F2RL2: variants seen among roughly 807,000 people sequenced by gnomAD.
F2RL2 encodes proteinase-activated receptor 3.
Under a neutral mutation model 4.3 loss-of-function variants are expected in F2RL2, and 4 were observed. The ratio of observed to expected loss-of-function variants is 0.93; its 90% CI spans 0.46 to 2.12. F2RL2 has a LOEUF of 2.12. F2RL2 is among the 30% of genes most tolerant of loss of function. The pLI is 0.02. For missense variants in F2RL2, 408 were observed against 449.3 expected (o/e 0.91, Z 0.83); for synonymous variants, 166 against 170.9 (o/e 0.97, Z 0.22).
chr5:76,619,514 C>CCTTTTTTTTTTTTTTTTTTTT lies in F2RL2; in HGVS notation c.65-873_65-872insAAAAAAAAAAAAAAAAAAAAG, dbSNP rs1561518620. ...CAGATCTAACTTAGTTAAGGATCTT[C>CCTTTTTTTTTTTTTTTTTTTT]TTTTTTTTTTTTTTTTTTTTTTGAG... On this transcript the variant is annotated intron_variant, in intron 1 of 1. Transcript: ENST00000296641. Among the ~76,000 whole-genome samples, 2 of 104,266 alleles carry CCTTTTTTTTTTTTTTTTTTTT rather than the reference C, an allele frequency of 1.9e-5. 1 individual carries two copies. 68.4% of individuals were successfully genotyped at this position (104,266 alleles called of 152,430 possible).
Position 76,618,596 on chromosome 5 carries a change from A to G in F2RL2, c.111T>C (p.Ile37=), listed in dbSNP as rs1181839363. The G allele has an allele frequency of 1.2e-6, 2 of 1,613,990 alleles. No individual in the cohort carries two copies. The highest frequency in any genetic ancestry group is 1.7e-6 in the Non-Finnish European group (2 of 1,180,000). ...TTGGGGGAGCTCCACGAAAGGTCTT[A>G]ATGGGTAAGGTTGGCTTTGCCAAGT... The part of the protein sequence containing the change: ...TNNLAKPTLP[I]KTFRGAPPNS... The change falls in exon 2 of 2, where the codon ATT becomes ATC. Residue 37 remains isoleucine, a synonymous_variant. Coordinates refer to ENST00000296641, the MANE Select transcript of F2RL2 (RefSeq NM_004101.4).
chr5:76,618,361 G>C lies in F2RL2; in HGVS notation c.346C>G (p.Leu116Val). Residue 116 changes from leucine (L) to valine (V), a missense_variant, in exon 2 of 2, where the codon CTG becomes GTG. By Grantham distance (32) the Leu-to-Val change is conservative. Coordinates refer to ENST00000296641, the MANE Select transcript of F2RL2 (RefSeq NM_004101.4). Reference protein sequence around the residue: ...VVGVPANAVTLWMLFFRTRSI... With the variant: ...VVGVPANAVTVWMLFFRTRSI... ...CTGGTCCTGAAGAAAAGCATCCACA[G>C]GGTCACAGCATTGGCCGGGACACCA... The C allele has an allele frequency of 1.2e-6, 2 of 1,614,204 alleles. No individual in the cohort carries two copies. Among genetic ancestry groups the C allele is most frequent in the Non-Finnish European group, 1.7e-6 (2 of 1,180,030 alleles).
chr5:76,623,056 G>A (rs939471828), intron 1 of F2RL2, 111 bp downstream of exon 1: 1 of 925,930 alleles, frequency 1.1e-6, no homozygotes, highest in Non-Finnish European at 1.7e-6. Context: ...AGATCAAACT[G>A]CCTTTGGGGT....
At chr5:76,623,068 T>C in intron 1 of F2RL2, 99 bp downstream of exon 1, 9 of 1,075,526 alleles carry the variant, frequency 8.4e-6, no homozygotes, top group Admixed American at 1.9e-5. Flanking sequence ...CTTTGGGGTT[T>C]ACAGTTTGTG....
Position 76,617,158 on chromosome 5 carries a change from T to G in F2RL2, c.*424A>C, listed in dbSNP as rs188551970. ...CTGATAAAGTGTTTTTAAAAATTAC[T>G]AATGCTGGCTGGCTCAGTGGCTCAC... On this transcript the variant is annotated 3_prime_UTR_variant, in exon 2 of 2. Coordinates refer to ENST00000296641, the MANE Select transcript of F2RL2 (RefSeq NM_004101.4). The G allele has an allele frequency of 2.1e-3, 328 of 158,204 alleles. 1 individual carries two copies. The highest frequency in any genetic ancestry group is 7.5e-3 in the African/African-American group (314 of 41,636). 9.8% of individuals were successfully genotyped at this position (158,204 alleles called of 1,614,324 possible). A position where few individuals can be genotyped will look rare whatever the true frequency, so the allele number is the denominator to read the frequency against.
chr5:76,619,640 C>T (rs1415090988), intron 1 of F2RL2, among the ~76,000 whole-genome samples: 1 of 151,868 alleles, frequency 6.6e-6, no homozygotes, highest in Non-Finnish European at 1.5e-5. Flanking sequence ...CCTCAGCCTC[C>T]CCAGTAGCTG....
Position 76,623,353 on chromosome 5 carries a change from T to C in F2RL2, c.-123A>G, listed in dbSNP as rs1195443238. Reference sequence around the variant, plus strand: ...CCTTGGTCTGTCTGTAGAAGTTTGCTCTCCTGTGCCGTGCAGGCAGGAAAC... The same window carrying C: ...CCTTGGTCTGTCTGTAGAAGTTTGCCCTCCTGTGCCGTGCAGGCAGGAAAC... On this transcript the variant is annotated 5_prime_UTR_variant, in exon 1 of 2. Transcript: ENST00000296641. 1.2e-5 allele frequency: 14 copies of C among 1,178,660 alleles called. 1 individual carries two copies. The highest frequency in any genetic ancestry group is 1.7e-5 in the Non-Finnish European group (14 of 817,652). 73.0% of individuals were successfully genotyped at this position (1,178,660 alleles called of 1,614,324 possible).
intron 1 of F2RL2, 109 bp downstream of exon 1, chr5:76,623,058 C>A: frequency 1.0e-6 from 1 of 956,062 alleles, no homozygotes; most frequent in Non-Finnish European, 1.7e-6. Context: ...ATCAAACTGC[C>A]TTTGGGGTTT....
chr5:76,618,136 G>T lies in F2RL2; in HGVS notation c.571C>A (p.Arg191Ser). The T allele has an allele frequency of 6.2e-7, 1 of 1,614,156 alleles. No individual in the cohort carries two copies. The change falls in exon 2 of 2, where the codon CGC (arginine) becomes AGC (serine). Residue 191 changes from arginine to serine, a missense_variant. Transcript: ENST00000296641. ...ILLLACISIN[R>S]YLAIVHPFTY... ...AAAGGATGGACGATGGCCAGGTAGCGGTTGATGCTGATGCAGGCAAGGAGC... is the reference window on the plus strand; with the variant it reads ...AAAGGATGGACGATGGCCAGGTAGCTGTTGATGCTGATGCAGGCAAGGAGC...
At chr5:76,619,012 G>T (rs1749315761) in intron 1 of F2RL2, among the ~76,000 whole-genome samples, 1 of 152,188 alleles carries the variant, frequency 6.6e-6, no homozygotes, top group Non-Finnish European at 1.5e-5. Context: ...AGATGAACTT[G>T]AGCAAAGACT....
At position 76,617,332 on chromosome 5, in the gene F2RL2, A is replaced by G. The variant is rs530516675; in HGVS notation, c.*250T>C. 1 of 368,174 alleles carries G rather than the reference A, an allele frequency of 2.7e-6. No individual in the cohort carries two copies. The highest frequency in any genetic ancestry group is 4.8e-5 in the East Asian group (1 of 20,972). 22.8% of individuals were successfully genotyped at this position (368,174 alleles called of 1,614,324 possible). On this transcript the variant is annotated 3_prime_UTR_variant, in exon 2 of 2. Transcript: ENST00000296641. ...TGGGCATGGTGGTGTAATCCCAGCT[A>G]CTTGGGAGGCTGACCTGGGAGGCAG...
At position 76,618,372 on chromosome 5, in the gene F2RL2, T is replaced by C. The variant is rs1279187076; in HGVS notation, c.335A>G (p.Asn112Ser). 1.2e-6 allele frequency: 2 copies of C among 1,614,206 alleles called. No individual in the cohort carries two copies. Among genetic ancestry groups the C allele is most frequent in the Non-Finnish European group, 1.7e-6 (2 of 1,180,032 alleles). ...LLVFVVGVPA[N>S]AVTLWMLFFR... The stretch of plus-strand genomic sequence containing the variant: ...GAAAAGCATCCACAGGGTCACAGCA[T>C]TGGCCGGGACACCAACTACAAACAC... The change falls in exon 2 of 2, where the codon AAT becomes AGT. Residue 112 changes from asparagine to serine, a missense_variant. Physicochemically the swap from Asn to Ser is conservative, Grantham distance 46. Coordinates refer to ENST00000296641, the MANE Select transcript of F2RL2 (RefSeq NM_004101.4).
chr5:76,618,520 T>C lies in F2RL2; in HGVS notation c.187A>G (p.Thr63Ala). 1 of 1,614,184 alleles carries C rather than the reference T, an allele frequency of 6.2e-7. No individual in the cohort carries two copies. Among genetic ancestry groups the C allele is most frequent in the South Asian group, 1.1e-5 (1 of 91,086 alleles). The stretch of plus-strand genomic sequence containing the variant: ...GGGCACTTAATTTTTACAGTAATCG[T>C]GGCTCCTGTCCAGCCTTCCAAGGCA... The part of the protein sequence containing the change: ...FSALEGWTGA[T>A]ITVKIKCPEE... The change falls in exon 2 of 2, where the codon ACG becomes GCG. Residue 63 changes from threonine (T) to alanine (A), a missense_variant. Thr to Ala is a moderately conservative substitution (Grantham distance 58). Transcript: ENST00000296641.
At chr5:76,623,030 T>C (rs2150367058) in intron 1 of F2RL2, 137 bp downstream of exon 1, 1 of 775,304 alleles carries the variant, frequency 1.3e-6, no homozygotes, top group Non-Finnish European at 2.2e-6. Context: ...TCCATGATTC[T>C]ACCTTTTAAT....
chr5:76,618,115 G>A lies in F2RL2; in HGVS notation c.592C>T (p.Pro198Ser). The change falls in exon 2 of 2, where the codon CCT becomes TCT. Residue 198 changes from proline to serine, a missense_variant. Pro to Ser is a moderately conservative substitution (Grantham distance 74). Coordinates refer to ENST00000296641, the MANE Select transcript of F2RL2 (RefSeq NM_004101.4). ...TTGGGCAGGCCCCGGTAGGTGAAAG[G>A]ATGGACGATGGCCAGGTAGCGGTTG... Reference protein sequence around the residue: ...SINRYLAIVHPFTYRGLPKHT... With the variant: ...SINRYLAIVHSFTYRGLPKHT... 6.2e-7 allele frequency: 1 copy of A among 1,614,160 alleles called. No homozygotes were observed. The highest frequency in any genetic ancestry group is 8.5e-7 in the Non-Finnish European group (1 of 1,180,026).
intron 1 of F2RL2, among the ~76,000 whole-genome samples, chr5:76,619,673 G>C (rs1373357815): frequency 1.3e-5 from 2 of 151,910 alleles, no homozygotes; most frequent in Non-Finnish European, 2.9e-5. Context: ...CCCGCCACCA[G>C]GCCTGGCTAA....
rs759797629 is a variant in F2RL2, at chr5:76,618,229, C to T, written c.478G>A (p.Val160Ile). Residue 160 changes from valine (V) to isoleucine (I), a missense_variant, in exon 2 of 2, where the codon GTA becomes ATA. Transcript: ENST00000296641. ...IAYHLNGNNW[V>I]FGEVLCRATT... ...GCCCGGCACAGGACCTCTCCAAATA[C>T]CCAGTTGTTCCCATTGAGATGATAA... is the stretch of plus-strand genomic sequence containing the variant. The T allele has an allele frequency of 2.5e-5, 41 of 1,614,038 alleles. No individual in the cohort carries two copies. The highest frequency in any genetic ancestry group is 6.7e-5 in the Admixed American group (4 of 60,010).
intron 1 of F2RL2, among the ~76,000 whole-genome samples, chr5:76,621,895 G>A (rs2069655): frequency 0.16 from 24,890 of 152,042 alleles, 2,296 homozygotes; most frequent in East Asian, 0.43. Flanking sequence ...AATGAACTCC[G>A]GCCTCTCAGG....
In F2RL2 at chr5:76,617,579, T is replaced by A. The variant is rs1244654724; in HGVS notation, c.*3A>T. The A allele has an allele frequency of 6.2e-7, 1 of 1,600,716 alleles. No homozygotes were observed. The highest frequency in any genetic ancestry group is 2.2e-5 in the East Asian group (1 of 44,838). On this transcript the variant is annotated 3_prime_UTR_variant, in exon 2 of 2. Transcript: ENST00000296641. Reference sequence around the variant, plus strand: ...GCTGTCCTTGTTCTCTAAGATCATTTCACTATTTTGTAAGGTAAGCAGTGG... The same window carrying A: ...GCTGTCCTTGTTCTCTAAGATCATTACACTATTTTGTAAGGTAAGCAGTGG...
Sources: allele counts gnomAD v4.1 joint callset (sites outside exome capture counted in the v4.1 genomes callset), GRCh38; gene constraint gnomAD v4.1.1; transcripts MANE v1.5; gene names NCBI Gene and HGNC (gene_info 2026-07-23, HGNC 2026-07-21).